The following CUX1 variants were observed in gnomAD, a reference collection of about 807,000 sequenced individuals.
CUX1 encodes the protein protein CASP.
A neutral mutation model predicts 158.8 loss-of-function variants in CUX1; 31 were observed. The ratio of observed to expected loss-of-function variants is 0.20; its 90% CI spans 0.15 to 0.26. The LOEUF (loss-of-function observed/expected upper bound fraction) is 0.26. Among genes scored for constraint, CUX1 ranks in the 10% least tolerant of loss-of-function variants. The probability of loss-of-function intolerance (pLI) is 1.00; values close to 1 mark genes in which losing one functional copy is unlikely to be tolerated. For synonymous variants in CUX1, 879 were observed against 862.1 expected (o/e 1.02, Z -0.34); for missense variants, 1,589 against 2,014.6 (o/e 0.79, Z 4.04).
chr7:102,011,081 C>A (rs1362742944), intron 2 of CUX1, among the ~76,000 whole-genome samples: 1 of 151,956 alleles, frequency 6.6e-6, no homozygotes, highest in Non-Finnish European at 1.5e-5. Context: ...CCATTGCACT[C>A]CAGCCTGGGC....
chr7:102,039,681 A>G (rs1189585464), intron 3 of CUX1, among the ~76,000 whole-genome samples: 3 of 150,122 alleles, frequency 2.0e-5, no homozygotes, highest in Admixed American at 6.6e-5. Context: ...AAAAAAAAAG[A>G]TTGATGTTCA....
chr7:102,203,964 C>A (rs571326409), intron 18 of CUX1, among the ~76,000 whole-genome samples: 1 of 152,310 alleles, frequency 6.6e-6, no homozygotes, highest in East Asian at 1.9e-4. Flanking sequence ...CTTCGCCAGT[C>A]CCACCGGCAC....
At chr7:101,836,481 C>T (rs929404168) in intron 1 of CUX1, among the ~76,000 whole-genome samples, 5 of 152,022 alleles carry the variant, frequency 3.3e-5, no homozygotes, top group Admixed American at 6.6e-5. Context: ...TCCCCCAACC[C>T]CACCTGCCCT....
At chr7:101,990,965 G>A (rs537085310) in intron 2 of CUX1, among the ~76,000 whole-genome samples, 4 of 152,278 alleles carry the variant, frequency 2.6e-5, no homozygotes, top group African/African-American at 9.6e-5. Context: ...TTTCCTCTCA[G>A]ATATGTATTT....
At chr7:102,176,443 G>A (rs1011478970) in intron 10 of CUX1, among the ~76,000 whole-genome samples, 24 of 152,002 alleles carry the variant, frequency 1.6e-4, no homozygotes, top group Non-Finnish European at 8.8e-5. Context: ...CCCAGGATTC[G>A]GCTGTCATAG....
chr7:101,889,826 A>C (rs1390625417), intron 1 of CUX1, among the ~76,000 whole-genome samples: 1 of 152,240 alleles, frequency 6.6e-6, no homozygotes, highest in Non-Finnish European at 1.5e-5. Context: ...TTCAGGAAGT[A>C]ATTTCCTGGA....
chr7:102,164,532 G>A (rs532617085), intron 9 of CUX1, among the ~76,000 whole-genome samples: 72 of 152,276 alleles, frequency 4.7e-4, no homozygotes, highest in Non-Finnish European at 9.6e-4. Flanking sequence ...TGCCCTAGTG[G>A]AGGACTCTCC....
intron 2 of CUX1, among the ~76,000 whole-genome samples, chr7:102,013,793 C>T (rs1818298265): frequency 1.3e-5 from 2 of 152,146 alleles, no homozygotes; most frequent in African/African-American, 4.8e-5. Flanking sequence ...CACCCTCGAC[C>T]TCTCTGGGCT....
intron 2 of CUX1, among the ~76,000 whole-genome samples, chr7:102,014,267 G>A (rs1218325364): frequency 1.3e-5 from 2 of 151,996 alleles, no homozygotes; most frequent in Admixed American, 1.3e-4. Flanking sequence ...AGACATAAGG[G>A]GTACTCGGTA....
chr7:101,878,507 C>T (rs1799391297), intron 1 of CUX1, among the ~76,000 whole-genome samples: 2 of 152,176 alleles, frequency 1.3e-5, no homozygotes, highest in African/African-American at 4.8e-5. Flanking sequence ...CCTGAGCCCA[C>T]AATTACTGCG....
intron 1 of CUX1, among the ~76,000 whole-genome samples, chr7:101,910,460 A>G (rs1310049038): frequency 1.3e-5 from 2 of 152,074 alleles, no homozygotes; most frequent in African/African-American, 4.8e-5. Context: ...TACACTTTAA[A>G]GGTGAACAAA....
chr7:102,206,071 G>C (rs1408662277), intron 20 of CUX1, among the ~76,000 whole-genome samples: 2 of 152,160 alleles, frequency 1.3e-5, no homozygotes, highest in East Asian at 1.9e-4. Flanking sequence ...GGAGCACGAA[G>C]CCCGCCAGCT....
intron 1 of CUX1, among the ~76,000 whole-genome samples, chr7:101,853,015 G>GT (rs1184756133): frequency 1.3e-5 from 2 of 152,052 alleles, no homozygotes; most frequent in East Asian, 1.9e-4. Flanking sequence ...TTTGTAAAAT[G>GT]TTTTTTAAAA....
intron 2 of CUX1, among the ~76,000 whole-genome samples, chr7:102,014,291 C>T (rs1818353934): frequency 6.6e-6 from 1 of 152,206 alleles, no homozygotes; most frequent in South Asian, 2.1e-4. Flanking sequence ...CCACCACTCA[C>T]TCCCACAACA....
intron 8 of CUX1, among the ~76,000 whole-genome samples, chr7:102,139,327 TA>T (rs530136191): frequency 2.0e-3 from 298 of 149,892 alleles, no homozygotes; most frequent in African/African-American, 7.0e-3. Context: ...GGAAGTGCCC[TA>T]CCCTGGCATT....
chr7:102,039,684 G>C (rs1191461055), intron 3 of CUX1, among the ~76,000 whole-genome samples: 1 of 148,590 alleles, frequency 6.7e-6, no homozygotes, highest in Non-Finnish European at 1.5e-5. Flanking sequence ...AAAAAAGATT[G>C]ATGTTCATCT....
At chr7:102,140,526 A>G (rs1376118638) in intron 8 of CUX1, among the ~76,000 whole-genome samples, 1 of 151,126 alleles carries the variant, frequency 6.6e-6, no homozygotes, top group Non-Finnish European at 1.5e-5. Flanking sequence ...GATTACAGGC[A>G]TGAGCCACTG....
intron 1 of CUX1, among the ~76,000 whole-genome samples, chr7:101,850,214 A>G (rs1259754283): frequency 2.0e-5 from 3 of 151,992 alleles, no homozygotes; most frequent in African/African-American, 4.8e-5. Flanking sequence ...GTGAGCCACC[A>G]TGCCTGGTTT....
intron 3 of CUX1, among the ~76,000 whole-genome samples, chr7:102,049,078 G>A (rs1823175992): frequency 1.3e-5 from 2 of 151,970 alleles, no homozygotes; most frequent in Admixed American, 1.3e-4. Context: ...CTGTTCTTTG[G>A]CCTTGTCCCC....
Sources: gnomAD v4.1 joint callset for allele counts (sites outside exome capture counted in the v4.1 genomes callset) on GRCh38, gnomAD v4.1.1 for gene constraint, MANE v1.5 for transcripts, NCBI Gene and HGNC (gene_info 2026-07-23, HGNC 2026-07-21) for gene names.